Variants in SKAP2 observed in about 807,000 individuals in gnomAD.
SKAP2 encodes the protein src kinase associated phosphoprotein 2, also known as src kinase-associated phosphoprotein 2.
A neutral mutation model predicts 54.9 loss-of-function variants in SKAP2; 28 were observed. The observed-to-expected ratio is 0.51, with a 90% CI of 0.38 to 0.70. The LOEUF (loss-of-function observed/expected upper bound fraction) is 0.70, where lower values mean the gene tolerates loss of function less well. Among genes scored for constraint, SKAP2 ranks in the 30% least tolerant of loss-of-function variants. The probability of loss-of-function intolerance (pLI) is 0.00; values close to 1 mark genes in which losing one functional copy is unlikely to be tolerated. For synonymous variants in SKAP2, 137 were observed against 134.3 expected, an observed-to-expected ratio of 1.02 and a Z score of -0.14; for missense variants, 356 against 424.1, an observed-to-expected ratio of 0.84 and a Z score of 1.41.
intron 4 of SKAP2, among the ~76,000 whole-genome samples, chr7:26,758,300 A>C (rs1422467492): frequency 6.6e-6 from 1 of 152,170 alleles, no homozygotes; most frequent in Non-Finnish European, 1.5e-5. Context: ...CTGTAAAACA[A>C]AAAATAGGCT....
At chr7:26,707,481 T>C (rs1330544853) in intron 9 of SKAP2, among the ~76,000 whole-genome samples, 2 of 152,224 alleles carry the variant, frequency 1.3e-5, no homozygotes, top group African/African-American at 4.8e-5. Flanking sequence ...TTTGTTTGAC[T>C]TGAAATAAAG....
intron 4 of SKAP2, among the ~76,000 whole-genome samples, chr7:26,785,912 C>T (rs1783533778): frequency 6.6e-6 from 1 of 152,160 alleles, no homozygotes; most frequent in African/African-American, 2.4e-5. Context: ...CATACAGGCC[C>T]TGGGAGCAAG....
intron 1 of SKAP2, among the ~76,000 whole-genome samples, chr7:26,862,576 C>G (rs1447375177): frequency 6.6e-6 from 1 of 151,844 alleles, no homozygotes; most frequent in East Asian, 1.9e-4. Flanking sequence ...TATTACCTGA[C>G]TAAAGAGAGA....
intron 9 of SKAP2, among the ~76,000 whole-genome samples, chr7:26,707,476 T>C (rs1787190132): frequency 6.6e-6 from 1 of 152,232 alleles, no homozygotes; most frequent in South Asian, 2.1e-4. Context: ...AAAATTTTGT[T>C]TGACTTGAAA....
chr7:26,772,554 C>T (rs1783210259), intron 4 of SKAP2, among the ~76,000 whole-genome samples: 1 of 152,188 alleles, frequency 6.6e-6, no homozygotes, highest in African/African-American at 2.4e-5. Flanking sequence ...CTGCAAAGGA[C>T]ATGATATCAT....
intron 4 of SKAP2, among the ~76,000 whole-genome samples, chr7:26,786,560 G>A (rs1446047846): frequency 6.6e-6 from 1 of 152,216 alleles, no homozygotes; most frequent in Non-Finnish European, 1.5e-5. Context: ...GGGAGGGAGT[G>A]AGGAAGAGCA....
At chr7:26,860,368 C>T (rs2127999680) in intron 1 of SKAP2, among the ~76,000 whole-genome samples, 1 of 152,216 alleles carries the variant, frequency 6.6e-6, no homozygotes, top group South Asian at 2.1e-4. Context: ...CCTCTAGTCC[C>T]TTAATTTACA....
intron 4 of SKAP2, among the ~76,000 whole-genome samples, chr7:26,842,966 G>A (rs1176536861): frequency 1.3e-5 from 2 of 151,908 alleles, no homozygotes; most frequent in Non-Finnish European, 2.9e-5. Context: ...GACTATTATT[G>A]CTACACTTTG....
intron 4 of SKAP2, among the ~76,000 whole-genome samples, chr7:26,809,271 G>A (rs912814517): frequency 7.9e-5 from 12 of 152,038 alleles, no homozygotes; most frequent in African/African-American, 1.4e-4. Flanking sequence ...AAAATTGGCC[G>A]GGTGTGGTGG....
intron 9 of SKAP2, among the ~76,000 whole-genome samples, chr7:26,711,600 G>A (rs2127950217): frequency 6.6e-6 from 1 of 152,330 alleles, no homozygotes; most frequent in Admixed American, 6.5e-5. Flanking sequence ...CTAAGGGTTA[G>A]TGAAGAGTTC....
chr7:26,665,955 T>G (rs1363669304), downstream of SKAP2, among the ~76,000 whole-genome samples: 1 of 151,936 alleles, frequency 6.6e-6, no homozygotes, highest in Non-Finnish European at 1.5e-5. Context: ...TAAGATCATA[T>G]TCATCAAATG....
At chr7:26,663,726 G>A (rs1786058431), downstream of SKAP2, among the ~76,000 whole-genome samples, 1 of 152,140 alleles carries the variant, frequency 6.6e-6, no homozygotes, top group Non-Finnish European at 1.5e-5. Flanking sequence ...AGGCTCCCCT[G>A]GCTGGTCCCT....
At chr7:26,855,545 T>C (rs756763768) in intron 1 of SKAP2, among the ~76,000 whole-genome samples, 1 of 152,116 alleles carries the variant, frequency 6.6e-6, no homozygotes, top group Non-Finnish European at 1.5e-5. Flanking sequence ...TATTACCACC[T>C]GAAATATTTC....
At chr7:26,662,333 A>T (rs2128081555), downstream of SKAP2, among the ~76,000 whole-genome samples, 1 of 152,226 alleles carries the variant, frequency 6.6e-6, no homozygotes, top group South Asian at 2.1e-4. Context: ...GTTTATTTTT[A>T]AAAATACATA....
At chr7:26,830,483 T>G (rs1051755881) in intron 4 of SKAP2, among the ~76,000 whole-genome samples, 2 of 152,178 alleles carry the variant, frequency 1.3e-5, no homozygotes, top group Admixed American at 6.5e-5. Flanking sequence ...TGGTAAACTA[T>G]GTAAAATCAA....
chr7:26,768,826 CTG>C, intron 4 of SKAP2, among the ~76,000 whole-genome samples: 1 of 152,346 alleles, frequency 6.6e-6, no homozygotes, highest in East Asian at 1.9e-4. Context: ...GATAGATCCG[CTG>C]TTAGTCTGAT....
intron 9 of SKAP2, among the ~76,000 whole-genome samples, chr7:26,701,429 C>A (rs892455227): frequency 3.9e-5 from 6 of 151,992 alleles, no homozygotes; most frequent in Admixed American, 1.3e-4. Flanking sequence ...TTGATGGATA[C>A]CCCCTTTAAA....
chr7:26,784,636 C>T (rs1783501313), intron 4 of SKAP2, among the ~76,000 whole-genome samples: 1 of 152,212 alleles, frequency 6.6e-6, no homozygotes, highest in African/African-American at 2.4e-5. Flanking sequence ...TGTGCTGCAT[C>T]AAGTCCTAAC....
At chr7:26,835,475 T>C (rs1562629557) in intron 4 of SKAP2, among the ~76,000 whole-genome samples, 1 of 152,214 alleles carries the variant, frequency 6.6e-6, no homozygotes, top group African/African-American at 2.4e-5. Flanking sequence ...CTCCTTAAGC[T>C]GATAAGCAAC....
Sources: allele counts gnomAD v4.1 joint callset (sites outside exome capture counted in the v4.1 genomes callset), GRCh38; gene constraint gnomAD v4.1.1; transcripts MANE v1.5; gene names NCBI Gene and HGNC (gene_info 2026-07-23, HGNC 2026-07-21).